The following IQGAP2 variants were observed in gnomAD, a reference collection of about 807,000 sequenced individuals.
IQGAP2 encodes ras GTPase-activating-like protein IQGAP2.
IQGAP2 carries 173 observed loss-of-function variants against 201.3 expected under a neutral mutation model. The ratio of observed to expected loss-of-function variants is 0.86; its 90% CI spans 0.76 to 0.98. The LOEUF is 0.98. IQGAP2 is among the 50% of genes least tolerant of loss of function. IQGAP2 has a pLI of 0.00. For synonymous variants in IQGAP2, 675 were observed against 673.9 expected (o/e 1.00, Z -0.03); for missense variants, 1,687 against 1,864.8 (o/e 0.90, Z 1.76).
chr5:76,425,340 A>C (rs768438610), intron 1 of IQGAP2, among the ~76,000 whole-genome samples: 6 of 152,042 alleles, frequency 3.9e-5, no homozygotes, highest in Non-Finnish European at 7.4e-5. Flanking sequence ...CTCTTTATTT[A>C]CTACCCTCTG....
intron 2 of IQGAP2, among the ~76,000 whole-genome samples, chr5:76,506,598 T>C (rs1269024123): frequency 1.3e-5 from 2 of 152,244 alleles, no homozygotes; most frequent in Non-Finnish European, 2.9e-5. Context: ...TTCTAACTTA[T>C]TGTCTCAAGA....
rs1561416540 is a variant in IQGAP2, at chr5:76,496,760, T to TCTTTCTTTCTTTCTTTC, written c.146+35092_146+35108dup. On this transcript the variant is annotated intron_variant, in intron 2 of 35. Coordinates refer to ENST00000274364, the MANE Select transcript of IQGAP2 (RefSeq NM_006633.5). ...TTCTTTCTTTCTTTCTTTCTTTCTTTCTTTCTTTCTTTCTTTCTTTCTTTC... is the reference window on the plus strand; with the variant it reads ...TTCTTTCTTTCTTTCTTTCTTTCTTTCTTTCTTTCTTTCTTTCCTTTCTTTCTTTCTTTCTTTCTTTC... Among the ~76,000 whole-genome samples, 6 of 89,328 alleles carry TCTTTCTTTCTTTCTTTC rather than the reference T, an allele frequency of 6.7e-5. No homozygotes were observed. The East Asian group carries it at 9.8e-4, about 15-fold the overall frequency. 58.6% of individuals were successfully genotyped at this position (89,328 alleles called of 152,430 possible).
At chr5:76,528,268 G>T (rs1283634198) in intron 2 of IQGAP2, among the ~76,000 whole-genome samples, 1 of 152,068 alleles carries the variant, frequency 6.6e-6, no homozygotes, top group Non-Finnish European at 1.5e-5. Flanking sequence ...GCACAATTTG[G>T]TATATTTGGT....
chr5:76,696,724 T>C (rs935994886), intron 32 of IQGAP2, among the ~76,000 whole-genome samples: 1 of 152,146 alleles, frequency 6.6e-6, no homozygotes, highest in Non-Finnish European at 1.5e-5. Context: ...TTTCTTTAGT[T>C]TGGGGGTAGA....
intron 2 of IQGAP2, among the ~76,000 whole-genome samples, chr5:76,515,230 G>A (rs1363070648): frequency 6.6e-6 from 1 of 152,168 alleles, no homozygotes; most frequent in East Asian, 1.9e-4. Context: ...ACATGACAAA[G>A]GGTTGCCTTT....
At chr5:76,557,961 G>A (rs1162520957) in intron 2 of IQGAP2, among the ~76,000 whole-genome samples, 2 of 151,928 alleles carry the variant, frequency 1.3e-5, no homozygotes, top group Admixed American at 6.6e-5. Context: ...TGCCCATTAC[G>A]ATGCCTGGCT....
intron 13 of IQGAP2, among the ~76,000 whole-genome samples, chr5:76,622,836 A>G (rs2150366638): frequency 6.6e-6 from 1 of 152,270 alleles, no homozygotes; most frequent in African/African-American, 2.4e-5. Flanking sequence ...CCCTAGAAAA[A>G]GTGCCATCTT....
intron 31 of IQGAP2, 24 bp downstream of exon 31, chr5:76,693,466 T>C: frequency 7.1e-7 from 1 of 1,401,996 alleles, no homozygotes; most frequent in Non-Finnish European, 1.0e-6. Context: ...AAGTGTAAAA[T>C]AATAATAGAC....
At chr5:76,545,627 G>GT (rs10706088) in intron 2 of IQGAP2, among the ~76,000 whole-genome samples, 1 of 151,938 alleles carries the variant, frequency 6.6e-6, no homozygotes, top group South Asian at 2.1e-4. Flanking sequence ...CTGTTCCTTA[G>GT]TTTTTTTTAC....
chr5:76,673,791 A>G (rs1210865245), intron 25 of IQGAP2, 161 bp from the exon 26 acceptor site: 2 of 683,824 alleles, frequency 2.9e-6, no homozygotes, highest in African/African-American at 1.8e-5. Flanking sequence ...CAGCTCAGTT[A>G]TTATCATCAG....
intron 20 of IQGAP2, among the ~76,000 whole-genome samples, chr5:76,658,002 G>A (rs73764705): frequency 0.01 from 1,586 of 152,198 alleles, 23 homozygotes; most frequent in African/African-American, 0.036. Flanking sequence ...CCTACTTCCG[G>A]CTCCTTCCCA....
intron 2 of IQGAP2, among the ~76,000 whole-genome samples, chr5:76,480,041 TG>T (rs5868828): frequency 0.97 from 147,345 of 152,074 alleles, 71,569 homozygotes; most frequent in Non-Finnish European, 1. Context: ...GGTTTAAGTG[TG>T]GGAGGAAGAG....
intron 1 of IQGAP2, among the ~76,000 whole-genome samples, chr5:76,457,820 C>T (rs921829549): frequency 7.9e-5 from 12 of 152,088 alleles, no homozygotes; most frequent in African/African-American, 2.9e-4. Context: ...TGTGAATAAG[C>T]CTTATTGTGT....
chr5:76,553,596 G>A (rs1419163103), intron 2 of IQGAP2, among the ~76,000 whole-genome samples: 1 of 152,108 alleles, frequency 6.6e-6, no homozygotes, highest in African/African-American at 2.4e-5. Flanking sequence ...GGATTTTTGT[G>A]GGGTGGTTTC....
At chr5:76,703,154 A>AG (rs1747565552) in intron 35 of IQGAP2, among the ~76,000 whole-genome samples, 3 of 1,742 alleles carry the variant, frequency 1.7e-3, no homozygotes, top group Admixed American at 0.013. Flanking sequence ...TTGTGGGGGG[A>AG]GGGGGTGGGG....
At chr5:76,636,987 A>T (rs540930682) in intron 15 of IQGAP2, 47 bp from the exon 16 acceptor site, 2 of 1,455,208 alleles carry the variant, frequency 1.4e-6, no homozygotes, top group African/African-American at 1.4e-5. Context: ...ACTAATGTTT[A>T]AGGGTTCACT....
At chr5:76,419,476 G>A (rs7732016) in intron 1 of IQGAP2, among the ~76,000 whole-genome samples, 112,694 of 151,746 alleles carry the variant, frequency 0.74, 43,470 homozygotes, top group East Asian at 0.99. Flanking sequence ...AGCTGGAATT[G>A]CAGACACATG....
intron 1 of IQGAP2, among the ~76,000 whole-genome samples, chr5:76,452,126 T>A (rs1753792522): frequency 7.0e-6 from 1 of 142,240 alleles, no homozygotes; most frequent in African/African-American, 2.5e-5. Flanking sequence ...GGAAAATGTA[T>A]AAGAATTAAA....
Position 76,673,505 on chromosome 5 carries a change from A to T in IQGAP2, c.3125A>T (p.Asn1042Ile), listed in dbSNP as rs1744534690. The part of the protein sequence containing the change: ...EQALTYPEVK[N>I]KLEASIENLR... ...GCTCTAACATACCCAGAAGTGAAAA[A>T]TAAACTGGAGGCTTCCATTGAGAAC... The change falls in exon 25 of 36, where the codon AAT becomes ATT. Residue 1042 changes from asparagine (N) to isoleucine (I), a missense_variant. Transcript: ENST00000274364. 1 of 1,614,018 alleles carries T rather than the reference A, an allele frequency of 6.2e-7. No homozygotes were observed. The highest frequency in any genetic ancestry group is 1.3e-5 in the African/African-American group (1 of 74,936).
Sources: gnomAD v4.1 joint callset for allele counts (sites outside exome capture counted in the v4.1 genomes callset) on GRCh38, gnomAD v4.1.1 for gene constraint, MANE v1.5 for transcripts, NCBI Gene and HGNC (gene_info 2026-07-23, HGNC 2026-07-21) for gene names.